EYS: variants seen among roughly 807,000 people sequenced by gnomAD.
EYS encodes the protein protein eyes shut homolog.
Under a neutral mutation model 282.1 loss-of-function variants are expected in EYS, and 250 were observed. The ratio of observed to expected loss-of-function variants is 0.89; its 90% CI spans 0.80 to 0.98. The LOEUF is 0.98. Ranked by LOEUF, EYS falls within the 50% of genes least tolerant of loss-of-function variation. The pLI is 0.00. For synonymous variants in EYS, 1,355 were observed against 1,282.9 expected (o/e 1.06, Z -1.20); for missense variants, 4,016 against 3,709.0 (o/e 1.08, Z -2.15).
intron 22 of EYS, among the ~76,000 whole-genome samples, chr6:64,774,831 C>T (rs928216525): frequency 2.0e-5 from 3 of 151,852 alleles, no homozygotes; most frequent in African/African-American, 7.3e-5. Flanking sequence ...ATTTATGACC[C>T]CTTATCTGAC....
chr6:63,869,236 G>A (rs998304193), intron 35 of EYS, among the ~76,000 whole-genome samples: 7 of 152,030 alleles, frequency 4.6e-5, no homozygotes, highest in African/African-American at 1.7e-4. Flanking sequence ...TACATAAAAT[G>A]GAAAATCCAT....
intron 31 of EYS, among the ~76,000 whole-genome samples, chr6:64,219,763 A>G (rs1582444034): frequency 6.6e-6 from 1 of 152,232 alleles, no homozygotes; most frequent in East Asian, 1.9e-4. Context: ...TCACAATAGC[A>G]AAGACTTGGA....
chr6:64,434,229 G>T lies in EYS; in HGVS notation c.5927+1945C>A, dbSNP rs747960845. Among the ~76,000 whole-genome samples the T allele has an allele frequency of 2.0e-5, 3 of 152,008 alleles. No homozygotes were observed. In the East Asian group the frequency reaches 5.8e-4, roughly 29 times the overall value. On this transcript the variant is annotated intron_variant, in intron 28 of 42. Transcript: ENST00000503581. ...GGAGACCTCAAAAGAAATCAAACCT[G>T]TTGTCATTTTGATCTCAGAATTGTG...
chr6:64,349,395 C>T (rs1230812327), intron 29 of EYS, among the ~76,000 whole-genome samples: 2 of 151,042 alleles, frequency 1.3e-5, no homozygotes, highest in African/African-American at 4.8e-5. Context: ...TTATCATGAA[C>T]TTATTATTTA....
intron 19 of EYS, among the ~76,000 whole-genome samples, chr6:64,884,237 A>T (rs184536733): frequency 1.1e-3 from 163 of 151,666 alleles, no homozygotes; most frequent in African/African-American, 3.7e-3. Flanking sequence ...ATATTTGGTT[A>T]CCAAATTTTA....
At chr6:63,788,282 G>C in intron 38 of EYS, 33 bp from the exon 39 acceptor site, 2 of 1,467,602 alleles carry the variant, frequency 1.4e-6, no homozygotes, top group Non-Finnish European at 1.8e-6. Flanking sequence ...ATTAAAAAAG[G>C]AATTAATTCC....
chr6:64,298,063 T>G (rs1769102287), intron 30 of EYS, among the ~76,000 whole-genome samples: 1 of 151,980 alleles, frequency 6.6e-6, no homozygotes, highest in African/African-American at 2.4e-5. Flanking sequence ...ACACTGGACC[T>G]TCCTTGCTAG....
intron 29 of EYS, among the ~76,000 whole-genome samples, chr6:64,313,028 G>A (rs904947976): frequency 2.6e-5 from 4 of 152,204 alleles, no homozygotes; most frequent in Non-Finnish European, 4.4e-5. Context: ...GATGAACAAT[G>A]AGTTTGATGA....
chr6:65,398,889 A>G (rs1429261508), intron 7 of EYS, among the ~76,000 whole-genome samples: 2 of 152,248 alleles, frequency 1.3e-5, no homozygotes, highest in African/African-American at 2.4e-5. Context: ...GAAAACTGTT[A>G]AGGTTTATTT....
At chr6:64,933,303 G>A (rs929795669) in intron 15 of EYS, among the ~76,000 whole-genome samples, 8 of 151,634 alleles carry the variant, frequency 5.3e-5, no homozygotes, top group South Asian at 4.2e-4. Context: ...GAAAAACAAC[G>A]TCATCAAAAA....
intron 9 of EYS, among the ~76,000 whole-genome samples, chr6:65,350,443 C>A (rs942924356): frequency 6.6e-5 from 10 of 151,264 alleles, no homozygotes; most frequent in African/African-American, 2.4e-4. Context: ...TTTGCAATAT[C>A]AACTCACAAA....
At chr6:65,356,357 C>T (rs1001715672) in intron 8 of EYS, among the ~76,000 whole-genome samples, 2 of 151,950 alleles carry the variant, frequency 1.3e-5, no homozygotes, top group African/African-American at 4.8e-5. Flanking sequence ...CCTGTTTCTG[C>T]CACTCAGGAG....
Position 64,266,750 on chromosome 6 carries a change from C to T in EYS, c.6192-35926G>A, listed in dbSNP as rs375147785. Among the ~76,000 whole-genome samples the T allele has an allele frequency of 2.9e-4, 44 of 152,240 alleles. No individual in the cohort carries two copies. The South Asian group carries it at 8.3e-3, about 29-fold the overall frequency. On this transcript the variant is annotated intron_variant, in intron 30 of 42. Transcript: ENST00000503581. The stretch of plus-strand genomic sequence containing the variant: ...ATGGCCACGTGTCTCTGAGGAGTCA[C>T]CAGCATTACTCTCTAGGGGACATGG...
intron 28 of EYS, among the ~76,000 whole-genome samples, chr6:64,393,958 A>G (rs1046084552): frequency 6.6e-6 from 1 of 152,088 alleles, no homozygotes; most frequent in African/African-American, 2.4e-5. Context: ...ATCAATGTAC[A>G]AAAATCACAA....
intron 5 of EYS, among the ~76,000 whole-genome samples, chr6:65,467,228 C>G (rs759664892): frequency 1.3e-5 from 2 of 151,998 alleles, no homozygotes; most frequent in African/African-American, 2.4e-5. Context: ...TATACAGAGG[C>G]CTTTTTGCCT....
intron 31 of EYS, among the ~76,000 whole-genome samples, chr6:64,083,880 G>T (rs1406858780): frequency 1.3e-5 from 2 of 152,116 alleles, no homozygotes; most frequent in Non-Finnish European, 2.9e-5. Context: ...TGGGATTACA[G>T]TCATGTGCCA....
chr6:64,679,706 G>T (rs1238521145), intron 22 of EYS, among the ~76,000 whole-genome samples: 2 of 151,930 alleles, frequency 1.3e-5, no homozygotes, highest in African/African-American at 4.8e-5. Flanking sequence ...CATCATTTTG[G>T]TTATTTGCTG....
intron 26 of EYS, among the ~76,000 whole-genome samples, chr6:64,566,908 G>A (rs1446074084): frequency 6.6e-6 from 1 of 152,020 alleles, no homozygotes; most frequent in African/African-American, 2.4e-5. Flanking sequence ...CAAGCAGCTG[G>A]GATTACAGGT....
At chr6:65,432,947 C>T (rs529502596) in intron 5 of EYS, among the ~76,000 whole-genome samples, 84 of 152,050 alleles carry the variant, frequency 5.5e-4, no homozygotes, top group African/African-American at 1.9e-3. Flanking sequence ...TGTTTTTTAA[C>T]CTTGGCCAAC....
Sources: gnomAD v4.1 joint callset for allele counts (sites outside exome capture counted in the v4.1 genomes callset) on GRCh38, gnomAD v4.1.1 for gene constraint, MANE v1.5 for transcripts, NCBI Gene and HGNC (gene_info 2026-07-23, HGNC 2026-07-21) for gene names.